NFKB1: variants seen among roughly 807,000 people sequenced by gnomAD.
The protein encoded by NFKB1 is nuclear factor kappa B subunit 1.
In NFKB1, 9 loss-of-function variants were observed where a neutral mutation model predicts 105.1. The observed-to-expected ratio is 0.09, with a 90% CI of 0.05 to 0.15. The LOEUF is 0.15. Ranked by LOEUF, NFKB1 falls within the 10% of genes least tolerant of loss-of-function variation. The probability of loss-of-function intolerance (pLI) is 1.00; values close to 1 mark genes in which losing one functional copy is unlikely to be tolerated. For missense variants in NFKB1, 830 were observed against 1,203.7 expected (o/e 0.69, Z 4.59); for synonymous variants, 440 against 442.2 (o/e 1.00, Z 0.06).
At chr4:102,579,904 G>A (rs1578789704) in intron 8 of NFKB1, among the ~76,000 whole-genome samples, 1 of 151,554 alleles carries the variant, frequency 6.6e-6, no homozygotes, top group Non-Finnish European at 1.5e-5. Flanking sequence ...CAACTTTGAA[G>A]GGAAGTGAAA....
In NFKB1 at chr4:102,616,609, C is replaced by A. The variant is rs532359504; in HGVS notation, c.*15C>A. 1.2e-6 allele frequency: 2 copies of A among 1,612,770 alleles called. No individual in the cohort carries two copies. The highest frequency in any genetic ancestry group is 3.3e-5 in the Admixed American group (2 of 59,986). Reference sequence around the variant, plus strand: ...GCAAAATTTAGCCTGCTGACAATTTCCCACACCGTGTAAACCAAAGCCCTA... The same window carrying A: ...GCAAAATTTAGCCTGCTGACAATTTACCACACCGTGTAAACCAAAGCCCTA... On this transcript the variant is annotated 3_prime_UTR_variant, in exon 24 of 24. Coordinates refer to ENST00000226574, the MANE Select transcript of NFKB1 (RefSeq NM_003998.4).
chr4:102,511,103 CT>C (rs201549867), intron 1 of NFKB1, among the ~76,000 whole-genome samples: 1,661 of 151,542 alleles, frequency 0.011, 8 homozygotes, highest in Non-Finnish European at 0.017. Flanking sequence ...TTTTTCCTTC[CT>C]TTTTTTTGAC....
At chr4:102,502,390 G>GCACACACACACACACACA (rs754187388) in intron 1 of NFKB1, among the ~76,000 whole-genome samples, 12 of 105,394 alleles carry the variant, frequency 1.1e-4, no homozygotes, top group African/African-American at 5.0e-4. Context: ...GCGCGCGCGC[G>GCACACACACACACACACA]CACACACACA....
At chr4:102,592,739 G>A (rs550658902) in intron 11 of NFKB1, among the ~76,000 whole-genome samples, 5 of 152,060 alleles carry the variant, frequency 3.3e-5, no homozygotes, top group Admixed American at 6.6e-5. Context: ...TTTCACTTCA[G>A]CCAAACTTAT....
At chr4:102,574,125 C>CTTTTTTTTTTTTTT (rs56977004) in intron 6 of NFKB1, among the ~76,000 whole-genome samples, 1 of 93,268 alleles carries the variant, frequency 1.1e-5, no homozygotes, top group Non-Finnish European at 2.0e-5. Flanking sequence ...TCTTGGATTC[C>CTTTTTTTTTTTTTT]TTTTTTTTTT....
intron 1 of NFKB1, among the ~76,000 whole-genome samples, chr4:102,515,579 C>G (rs536161103): frequency 1.3e-5 from 2 of 151,990 alleles, no homozygotes; most frequent in South Asian, 4.1e-4. Context: ...TGGTTACTTT[C>G]TAAAGTGGTT....
chr4:102,502,347 C>G (rs971765718), intron 1 of NFKB1, among the ~76,000 whole-genome samples: 7 of 150,972 alleles, frequency 4.6e-5, no homozygotes, highest in African/African-American at 1.5e-4. Flanking sequence ...CTCTCTGTCT[C>G]TCTCTCTCTC....
intron 5 of NFKB1, among the ~76,000 whole-genome samples, chr4:102,560,731 T>TA (rs1723355228): frequency 6.6e-6 from 1 of 152,338 alleles, no homozygotes; most frequent in East Asian, 1.9e-4. Context: ...GTCACTTTGT[T>TA]AATCTGTTTG....
Position 102,607,699 on chromosome 4 carries a change from T to A in NFKB1, c.2175T>A (p.His725Gln). Residue 725 changes from histidine to glutamine, a missense_variant, in exon 19 of 24, where the codon CAT becomes CAA. Around this residue, in one of 8 missense-constraint regions of NFKB1, gnomAD observed 418 missense variants for 575.3 expected, o/e 0.73. Transcript: ENST00000226574. ...CCTACGATGGAACCACACCCCTGCA[T>A]ATAGCAGCTGGGAGAGGGTCCACCA... ...STTYDGTTPL[H>Q]IAAGRGSTRL... is the part of the protein sequence containing the mutation. 2 of 1,614,150 alleles carry A rather than the reference T, an allele frequency of 1.2e-6. No individual in the cohort carries two copies. Among genetic ancestry groups the A allele is most frequent in the Non-Finnish European group, 1.7e-6 (2 of 1,180,024 alleles).
chr4:102,535,923 A>T (rs1361654518), intron 4 of NFKB1, among the ~76,000 whole-genome samples: 2 of 150,420 alleles, frequency 1.3e-5, no homozygotes, highest in African/African-American at 2.4e-5. Flanking sequence ...TTAGAAAAAG[A>T]TTCTTTTTTC....
chr4:102,570,120 G>A (rs906101662), intron 6 of NFKB1, among the ~76,000 whole-genome samples: 7 of 152,010 alleles, frequency 4.6e-5, no homozygotes, highest in African/African-American at 1.7e-4. Context: ...TCTGCTTTCT[G>A]GCAGTTTAGA....
chr4:102,591,626 T>C (rs925620568), intron 11 of NFKB1, among the ~76,000 whole-genome samples: 1 of 152,062 alleles, frequency 6.6e-6, no homozygotes, highest in African/African-American at 2.4e-5. Context: ...TGAATATTTT[T>C]AAACCCACTG....
chr4:102,534,101 C>T (rs1351164644), intron 4 of NFKB1, among the ~76,000 whole-genome samples: 1 of 152,178 alleles, frequency 6.6e-6, no homozygotes, highest in Non-Finnish European at 1.5e-5. Flanking sequence ...TTCTGTAAAA[C>T]TGCAGTTAAT....
intron 11 of NFKB1, among the ~76,000 whole-genome samples, chr4:102,586,874 G>A (rs1156933335): frequency 6.6e-6 from 1 of 152,238 alleles, no homozygotes; most frequent in Non-Finnish European, 1.5e-5. Context: ...GTGAGAGCAA[G>A]ATGTGATAGG....
Position 102,612,454 on chromosome 4 carries a change from G to A in NFKB1, c.2440G>A (p.Glu814Lys), listed in dbSNP as rs147412381. ...LAQGDMKQLA[E>K]DVKLQLYKLL... ...TTCAGGAGACATGAAACAGCTGGCTGAAGATGTGAAGCTGCAGCTGTATAA... is the reference window on the plus strand; with the variant it reads ...TTCAGGAGACATGAAACAGCTGGCTAAAGATGTGAAGCTGCAGCTGTATAA... Residue 814 changes from glutamate to lysine, a missense_variant, in exon 22 of 24, where the codon GAA (glutamate) becomes AAA (lysine). Physicochemically the swap from Glu to Lys is moderately conservative, Grantham distance 56. This residue lies in a region of NFKB1 where 418 missense variants were observed against 575.3 expected (regional missense o/e 0.73). Transcript: ENST00000226574. 5.6e-6 allele frequency: 9 copies of A among 1,613,140 alleles called. No individual in the cohort carries two copies. The highest frequency in any genetic ancestry group is 1.3e-5 in the African/African-American group (1 of 74,910).
intron 1 of NFKB1, chr4:102,510,955 CTAAAAA>C: frequency 7.8e-7 from 1 of 1,281,840 alleles, no homozygotes; most frequent in Non-Finnish European, 1.0e-6. Flanking sequence ...ACCAGGTAAA[CTAAAAA>C]GAAAAAGAGT....
intron 1 of NFKB1, chr4:102,502,212 GT>G (rs1739094954): frequency 1.3e-5 from 2 of 152,486 alleles, no homozygotes; most frequent in Admixed American, 1.3e-4. Flanking sequence ...ACCTAAGGGC[GT>G]TCCATGAAAT....
At chr4:102,584,044 C>T (rs989756936) in intron 10 of NFKB1, among the ~76,000 whole-genome samples, 9 of 152,174 alleles carry the variant, frequency 5.9e-5, no homozygotes, top group Non-Finnish European at 8.8e-5. Context: ...AAATTAATAA[C>T]AGTATTTACC....
chr4:102,519,686 TA>T, intron 1 of NFKB1, among the ~76,000 whole-genome samples: 1 of 152,128 alleles, frequency 6.6e-6, no homozygotes, highest in East Asian at 1.9e-4. Flanking sequence ...TATATTAAAA[TA>T]AGTAATGTTA....
Sources: gnomAD v4.1 joint callset for allele counts (sites outside exome capture counted in the v4.1 genomes callset) on GRCh38, gnomAD v4.1.1 for gene constraint, gnomAD v4.1.1 regional missense constraint, MANE v1.5 for transcripts, NCBI Gene and HGNC (gene_info 2026-07-23, HGNC 2026-07-21) for gene names.